The following COL13A1 variants were observed in gnomAD, a reference collection of about 807,000 sequenced individuals.
COL13A1 encodes the protein collagen type XIII alpha 1 chain, also known as collagen alpha-1(XIII) chain.
In COL13A1, 89 loss-of-function variants were observed where a neutral mutation model predicts 130.9. The ratio of observed to expected loss-of-function variants is 0.68; its 90% CI spans 0.57 to 0.81. The LOEUF (loss-of-function observed/expected upper bound fraction) is 0.81, where lower values mean the gene tolerates loss of function less well. COL13A1 is among the 30% of genes least tolerant of loss of function. The probability of loss-of-function intolerance (pLI) is 0.00; values close to 1 mark genes in which losing one functional copy is unlikely to be tolerated. For synonymous variants in COL13A1, 402 were observed against 341.6 expected (o/e 1.18, Z -1.95); for missense variants, 879 against 934.6 (o/e 0.94, Z 0.78).
At chr10:69,923,924 C>T in intron 24 of COL13A1, 69 bp downstream of exon 24, 1 of 1,560,334 alleles carries the variant, frequency 6.4e-7, no homozygotes. Flanking sequence ...ATCATCCCGG[C>T]CGACCCTAGG....
intron 21 of COL13A1, among the ~76,000 whole-genome samples, chr10:69,920,364 AC>A (rs2064486341): frequency 6.6e-6 from 1 of 152,090 alleles, no homozygotes; most frequent in Admixed American, 6.5e-5. Flanking sequence ...CTGACCTGAT[AC>A]CCCAGCCCTG....
At chr10:69,932,690 G>GGGCCGGGCGCGGTGGCTCA in intron 31 of COL13A1, 86 bp downstream of exon 31, 1 of 881,966 alleles carries the variant, frequency 1.1e-6, no homozygotes. Context: ...AATGAAGCTT[G>GGGCCGGGCGCGGTGGCTCA]CAACTGCCTG....
chr10:69,824,636 G>A (rs371336468), intron 2 of COL13A1, among the ~76,000 whole-genome samples: 55 of 152,174 alleles, frequency 3.6e-4, no homozygotes, highest in African/African-American at 1.3e-3. Context: ...AGGGGAGGAG[G>A]AAACACCATG....
At position 69,930,076 on chromosome 10, in the gene COL13A1, G is replaced by T; in HGVS notation, c.1519G>T (p.Asp507Tyr). The T allele has an allele frequency of 1.2e-6, 2 of 1,613,932 alleles. No homozygotes were observed. The highest frequency in any genetic ancestry group is 1.7e-6 in the Non-Finnish European group (2 of 1,179,862). The change falls in exon 29 of 41, where the codon GAT becomes TAT. Residue 507 changes from aspartate (D) to tyrosine (Y), a missense_variant. Asp to Tyr is a radical substitution (Grantham distance 160). Coordinates refer to ENST00000645393, the MANE Select transcript of COL13A1 (RefSeq NM_001368882.1). ...EIGLPGPPGH[D>Y]GEKGPRGKPG... ...TGGACTGCCAGGCCCTCCAGGACAC[G>T]ATGGGGAAAAGGTATGAACAGACGT...
chr10:69,933,707 C>A (rs1384657427), intron 31 of COL13A1, among the ~76,000 whole-genome samples: 1 of 152,090 alleles, frequency 6.6e-6, no homozygotes, highest in Admixed American at 6.5e-5. Flanking sequence ...TCAGGAAAAG[C>A]ATTATACGCA....
chr10:69,849,759 T>C (rs1854202162), intron 2 of COL13A1, among the ~76,000 whole-genome samples: 1 of 152,176 alleles, frequency 6.6e-6, no homozygotes, highest in Non-Finnish European at 1.5e-5. Flanking sequence ...AGGTGTTTTT[T>C]CTCATCTGCA....
chr10:69,839,181 C>T (rs1158512315), intron 2 of COL13A1, among the ~76,000 whole-genome samples: 1 of 152,102 alleles, frequency 6.6e-6, no homozygotes, highest in Non-Finnish European at 1.5e-5. Context: ...TTCATTCATT[C>T]GTTCGTTCGT....
intron 24 of COL13A1, among the ~76,000 whole-genome samples, chr10:69,924,420 C>A: frequency 6.6e-6 from 1 of 152,120 alleles, no homozygotes; most frequent in East Asian, 1.9e-4. Flanking sequence ...GCAACAGGAA[C>A]AAATCCTTCC....
intron 17 of COL13A1, among the ~76,000 whole-genome samples, chr10:69,914,882 C>A (rs914801935): frequency 2.0e-5 from 3 of 152,230 alleles, no homozygotes; most frequent in African/African-American, 7.2e-5. Context: ...CTTTTCTGGG[C>A]ATCCTGCGCT....
intron 2 of COL13A1, among the ~76,000 whole-genome samples, chr10:69,841,192 T>C (rs75012576): frequency 0.045 from 6,814 of 152,058 alleles, 203 homozygotes; most frequent in East Asian, 0.12. Context: ...TCTCCACCTT[T>C]GCCTGTTAAC....
At chr10:69,834,388 G>A (rs1023324126) in intron 2 of COL13A1, among the ~76,000 whole-genome samples, 1 of 152,302 alleles carries the variant, frequency 6.6e-6, no homozygotes, top group Middle Eastern at 3.4e-3. Context: ...TAACGAGAGG[G>A]AGGTTGCAGA....
chr10:69,864,360 C>T (rs986595120), intron 2 of COL13A1, among the ~76,000 whole-genome samples: 4 of 152,170 alleles, frequency 2.6e-5, no homozygotes, highest in Admixed American at 1.3e-4. Context: ...CCTCCTACAG[C>T]AAACCTTTCT....
intron 14 of COL13A1, among the ~76,000 whole-genome samples, chr10:69,900,724 C>T (rs776104307): frequency 6.6e-4 from 100 of 152,316 alleles, no homozygotes; most frequent in Non-Finnish European, 1.2e-3. Flanking sequence ...GACGTCATTT[C>T]CAAAGAGCAG....
intron 2 of COL13A1, among the ~76,000 whole-genome samples, chr10:69,862,098 C>T (rs1309767181): frequency 6.6e-6 from 1 of 152,196 alleles, no homozygotes; most frequent in African/African-American, 2.4e-5. Context: ...GAGATGCCCA[C>T]AGTTGGCTCT....
intron 1 of COL13A1, among the ~76,000 whole-genome samples, chr10:69,815,450 AG>A (rs1444874299): frequency 6.6e-6 from 1 of 152,194 alleles, no homozygotes; most frequent in Non-Finnish European, 1.5e-5. Context: ...GGCTGCCAGC[AG>A]GGGCAAAACA....
chr10:69,929,924 T>G, intron 28 of COL13A1, 119 bp from the exon 29 acceptor site: 1 of 839,364 alleles, frequency 1.2e-6, no homozygotes, highest in Non-Finnish European at 2.0e-6. Context: ...CAGTTAGAAT[T>G]AAATGAGCAA....
At chr10:69,809,125 G>T (rs1842330197) in intron 1 of COL13A1, among the ~76,000 whole-genome samples, 1 of 152,160 alleles carries the variant, frequency 6.6e-6, no homozygotes, top group South Asian at 2.1e-4. Context: ...GGTGAAGCAG[G>T]CAACACCATA....
In COL13A1 at chr10:69,867,801, C is replaced by A. The variant is rs572282745; in HGVS notation, c.368C>A (p.Pro123His). 1.4e-6 allele frequency: 1 copy of A among 718,552 alleles called. No homozygotes were observed. Among genetic ancestry groups the A allele is most frequent in the Non-Finnish European group, 2.6e-6 (1 of 385,048 alleles). 44.5% of individuals were successfully genotyped at this position (718,552 alleles called of 1,614,324 possible). A position where few individuals can be genotyped will look rare whatever the true frequency, so the allele number is the denominator to read the frequency against. ...TSPGCNCPPGPPGPTGRPGLP... is the reference protein window; with the variant it reads ...TSPGCNCPPGHPGPTGRPGLP... ...GCATTTTCTCTCTCTCTTTCAGGAC[C>A]TCCTGTAAGTACTCAAGCCGAGGGT... Residue 123 changes from proline to histidine, a missense_variant, in exon 3 of 41, where the codon CCT becomes CAT. Around this residue, in one of 3 missense-constraint regions of COL13A1, gnomAD observed 715 missense variants for 721.0 expected, o/e 0.99. Coordinates refer to ENST00000645393, the MANE Select transcript of COL13A1 (RefSeq NM_001368882.1).
chr10:69,863,814 T>A (rs61850375), intron 2 of COL13A1, among the ~76,000 whole-genome samples: 3,158 of 152,250 alleles, frequency 0.021, 40 homozygotes, highest in Non-Finnish European at 0.034. Context: ...TGGTGACTCA[T>A]GTGTATAATC....
Sources: gnomAD v4.1 joint callset for allele counts (sites outside exome capture counted in the v4.1 genomes callset) on GRCh38, gnomAD v4.1.1 for gene constraint, gnomAD v4.1.1 regional missense constraint, MANE v1.5 for transcripts, NCBI Gene and HGNC (gene_info 2026-07-23, HGNC 2026-07-21) for gene names.